Variants in ADGRL2 observed in about 807,000 individuals in gnomAD.
ADGRL2 encodes the protein adhesion G protein-coupled receptor L2, also known as calcium-independent alpha-latrotoxin receptor 2.
ADGRL2 carries 44 observed loss-of-function variants against 157.4 expected under a neutral mutation model. That is an observed-to-expected ratio of 0.28 (90% confidence interval 0.22 to 0.36). ADGRL2 has a LOEUF of 0.36. ADGRL2 is among the 10% of genes least tolerant of loss of function. ADGRL2 has a pLI of 1.00. For synonymous variants in ADGRL2, 585 were observed against 624.7 expected (o/e 0.94, Z 0.95); for missense variants, 1,510 against 1,768.9 (o/e 0.85, Z 2.63).
intron 3 of ADGRL2, among the ~76,000 whole-genome samples, chr1:81,612,512 G>A (rs1013301390): frequency 6.6e-6 from 1 of 152,116 alleles, no homozygotes; most frequent in African/African-American, 2.4e-5. Flanking sequence ...AAAGAGAATG[G>A]CTCAGTCAAA....
intron 2 of ADGRL2, among the ~76,000 whole-genome samples, chr1:81,794,934 TA>T (rs1432008883): frequency 6.6e-6 from 1 of 152,126 alleles, no homozygotes; most frequent in Non-Finnish European, 1.5e-5. Context: ...TAAAGGCCTT[TA>T]AAAAATAAAG....
At chr1:81,582,232 T>C (rs951396139) in intron 3 of ADGRL2, among the ~76,000 whole-genome samples, 9 of 152,018 alleles carry the variant, frequency 5.9e-5, no homozygotes, top group East Asian at 5.8e-4. Context: ...AAAAAATTTT[T>C]TTTTTAGTTA....
chr1:81,395,338 A>G (rs2076636380), intron 1 of ADGRL2, among the ~76,000 whole-genome samples: 1 of 150,742 alleles, frequency 6.6e-6, no homozygotes, highest in South Asian at 2.1e-4. Context: ...TTTTTTTGAG[A>G]GAGATGCTTA....
chr1:81,989,583 G>A, intron 23 of ADGRL2: 1 of 1,265,274 alleles, frequency 7.9e-7, no homozygotes, highest in Non-Finnish European at 1.1e-6. Context: ...CCCTTGCTCT[G>A]ACTAAGTTGC....
chr1:81,823,568 C>T (rs1553161922), intron 1 of ADGRL2, among the ~76,000 whole-genome samples: 1 of 152,100 alleles, frequency 6.6e-6, no homozygotes, highest in Non-Finnish European at 1.5e-5. Flanking sequence ...TTCATCATAA[C>T]TGTGTTCAGT....
intron 1 of ADGRL2, among the ~76,000 whole-genome samples, chr1:81,431,410 T>C (rs370455324): frequency 6.6e-6 from 1 of 152,062 alleles, no homozygotes; most frequent in African/African-American, 2.4e-5. Flanking sequence ...GGAAACAAGC[T>C]GAAAGAAGTA....
chr1:81,469,707 T>C (rs1245472655), intron 2 of ADGRL2, among the ~76,000 whole-genome samples: 4 of 152,224 alleles, frequency 2.6e-5, no homozygotes, highest in Non-Finnish European at 5.9e-5. Context: ...TGATTTTTTA[T>C]CTCATTATAG....
At position 81,970,334 on chromosome 1, in the gene ADGRL2, A is replaced by G; in HGVS notation, c.2754A>G (p.Ala918=). 3.1e-6 allele frequency: 5 copies of G among 1,609,206 alleles called. No individual in the cohort carries two copies. In the Admixed American group the frequency reaches 5.1e-5, roughly 16 times the overall value. ...TKYAIACPIF[A]GLLHFFFLAA... Reference sequence around the variant, plus strand: ...CGTAGATTGCATGCCCAATATTTGCAGGACTTCTACACTTTTTCTTTTTGG... The same window carrying G: ...CGTAGATTGCATGCCCAATATTTGCGGGACTTCTACACTTTTTCTTTTTGG... The change falls in exon 16 of 24, where the codon GCA becomes GCG. Residue 918 remains alanine (A), a synonymous_variant. Coordinates refer to ENST00000686636, the MANE Select transcript of ADGRL2 (RefSeq NM_001366006.2).
intron 3 of ADGRL2, among the ~76,000 whole-genome samples, chr1:81,664,225 A>T (rs1173307489): frequency 1.3e-5 from 2 of 152,180 alleles, no homozygotes; most frequent in African/African-American, 4.8e-5. Context: ...ATGAAAAGAT[A>T]AGTATTTTCT....
intron 19 of ADGRL2, among the ~76,000 whole-genome samples, chr1:81,982,726 A>G (rs983548070): frequency 3.3e-5 from 5 of 151,996 alleles, no homozygotes; most frequent in African/African-American, 1.2e-4. Context: ...ACAAGACGAT[A>G]GTGTTGTTAC....
At chr1:81,327,258 A>C (rs1379053523) in intron 1 of ADGRL2, among the ~76,000 whole-genome samples, 1 of 152,138 alleles carries the variant, frequency 6.6e-6, no homozygotes, top group African/African-American at 2.4e-5. Context: ...GGACGGGAGG[A>C]AGGACATGTG....
intron 1 of ADGRL2, among the ~76,000 whole-genome samples, chr1:81,347,715 A>G (rs1662581653): frequency 6.6e-6 from 1 of 152,234 alleles, no homozygotes; most frequent in African/African-American, 2.4e-5. Context: ...TGTTTTAAAG[A>G]AAATACTAAG....
At chr1:81,821,492 C>G (rs974377150) in intron 1 of ADGRL2, among the ~76,000 whole-genome samples, 1 of 152,010 alleles carries the variant, frequency 6.6e-6, no homozygotes, top group African/African-American at 2.4e-5. Flanking sequence ...AGCTGGTTAT[C>G]TGTCTTCCAA....
intron 2 of ADGRL2, among the ~76,000 whole-genome samples, chr1:81,547,391 A>G (rs1008078430): frequency 2.0e-5 from 3 of 152,222 alleles, no homozygotes; most frequent in East Asian, 1.9e-4. Context: ...GAACATCTCT[A>G]TACCCTTCCC....
chr1:81,443,075 C>T (rs2077538202), intron 1 of ADGRL2, among the ~76,000 whole-genome samples: 2 of 152,122 alleles, frequency 1.3e-5, no homozygotes, highest in Admixed American at 6.6e-5. Context: ...CTAATCTATA[C>T]TCTAAAATGT....
chr1:81,522,921 A>G (rs2079357410), intron 2 of ADGRL2, among the ~76,000 whole-genome samples: 1 of 152,218 alleles, frequency 6.6e-6, no homozygotes, highest in African/African-American at 2.4e-5. Context: ...TAGGAATTTC[A>G]TATCTGAATA....
At chr1:81,353,869 T>G (rs1663090376) in intron 1 of ADGRL2, among the ~76,000 whole-genome samples, 1 of 152,108 alleles carries the variant, frequency 6.6e-6, no homozygotes, top group African/African-American at 2.4e-5. Context: ...GTAAGTGAAA[T>G]CATGCGAAAG....
At chr1:81,870,467 C>T (rs567635711) in intron 2 of ADGRL2, among the ~76,000 whole-genome samples, 9 of 152,034 alleles carry the variant, frequency 5.9e-5, no homozygotes, top group Non-Finnish European at 8.8e-5. Flanking sequence ...AAAATAAAAC[C>T]AAGGTAGATA....
chr1:81,456,230 C>CT (rs1193208665), intron 2 of ADGRL2, among the ~76,000 whole-genome samples: 2 of 151,646 alleles, frequency 1.3e-5, no homozygotes, highest in Admixed American at 6.6e-5. Context: ...TTCTTCCTTT[C>CT]TCTTTTTTTA....
Sources: gnomAD v4.1 joint callset for allele counts (sites outside exome capture counted in the v4.1 genomes callset) on GRCh38, gnomAD v4.1.1 for gene constraint, MANE v1.5 for transcripts, NCBI Gene and HGNC (gene_info 2026-07-23, HGNC 2026-07-21) for gene names.